Variants in KIZ observed in about 807,000 individuals in gnomAD.
The protein encoded by KIZ is kizuna centrosomal protein, also known as centrosomal protein kizuna.
Under a neutral mutation model 79.6 loss-of-function variants are expected in KIZ, and 68 were observed. That is an observed-to-expected ratio of 0.85 (90% CI 0.70 to 1.05). The LOEUF (loss-of-function observed/expected upper bound fraction) is 1.05, where lower values mean the gene tolerates loss of function less well. KIZ is among the 50% of genes least tolerant of loss of function. The probability of loss-of-function intolerance (pLI) is 0.00; values close to 1 mark genes in which losing one functional copy is unlikely to be tolerated. For missense variants in KIZ, 797 were observed against 800.4 expected, an observed-to-expected ratio of 1.00 and a Z score of 0.05; for synonymous variants, 280 against 281.8, an observed-to-expected ratio of 0.99 and a Z score of 0.06.
intron 4 of KIZ, chr20:21,151,203 A>G (rs945866589): frequency 8.5e-5 from 13 of 152,240 alleles, no homozygotes; most frequent in African/African-American, 3.1e-4. Flanking sequence ...CTTAATAAAT[A>G]CATCAGTCTG....
intron 3 of KIZ, among the ~76,000 whole-genome samples, chr20:21,138,327 A>G (rs1158813075): frequency 2.0e-5 from 3 of 152,080 alleles, no homozygotes; most frequent in Admixed American, 2.0e-4. Context: ...GGCATCATTT[A>G]ACTTGCACAG....
At chr20:21,218,643 TTC>T (rs1296442571) in intron 9 of KIZ, 1 of 152,238 alleles carries the variant, frequency 6.6e-6, no homozygotes, top group Non-Finnish European at 1.5e-5. Flanking sequence ...ATGGAATTCT[TTC>T]TGTTAATAGC....
intron 6 of KIZ, among the ~76,000 whole-genome samples, chr20:21,193,504 G>A (rs898115810): frequency 1.3e-5 from 2 of 151,798 alleles, no homozygotes; most frequent in East Asian, 2.0e-4. Flanking sequence ...CCCATTACTG[G>A]GTATATACCC....
chr20:21,198,981 C>T (rs1600516643), intron 6 of KIZ, among the ~76,000 whole-genome samples: 3 of 152,140 alleles, frequency 2.0e-5, no homozygotes, highest in Admixed American at 1.3e-4. Flanking sequence ...TTTAATCTCC[C>T]GTTTCTTTCT....
At chr20:21,155,968 G>A (rs915385193) in intron 4 of KIZ, among the ~76,000 whole-genome samples, 2 of 152,170 alleles carry the variant, frequency 1.3e-5, no homozygotes, top group African/African-American at 4.8e-5. Flanking sequence ...TAGGACTTTT[G>A]ATGCCAGATT....
intron 6 of KIZ, among the ~76,000 whole-genome samples, chr20:21,169,885 CTT>C (rs1319742975): frequency 1.3e-5 from 2 of 152,106 alleles, no homozygotes; most frequent in African/African-American, 4.8e-5. Flanking sequence ...TATTCCATGT[CTT>C]TTTATGGCTT....
At position 21,214,633 on chromosome 20, in the gene KIZ, T is replaced by C. The variant is rs2036213878; in HGVS notation, c.1545T>C (p.Asn515=). The C allele has an allele frequency of 6.2e-7, 1 of 1,612,830 alleles. No homozygotes were observed. Among genetic ancestry groups the C allele is most frequent in the Non-Finnish European group, 8.5e-7 (1 of 1,178,918 alleles). The change falls in exon 8 of 13, where the codon AAT becomes AAC. Residue 515 remains asparagine (N), a synonymous_variant. Transcript: ENST00000619189. ...ESSCSLPSIL[N]DNSGIKEAKP... Reference sequence around the variant, plus strand: ...CTTGCAGCTTGCCATCTATTCTGAATGACAATAGTGGAATAAAGGAAGCCA... The same window carrying C: ...CTTGCAGCTTGCCATCTATTCTGAACGACAATAGTGGAATAAAGGAAGCCA...
intron 1 of KIZ, among the ~76,000 whole-genome samples, chr20:21,127,157 A>G (rs1600332470): frequency 6.6e-6 from 1 of 152,366 alleles, no homozygotes; most frequent in Non-Finnish European, 1.5e-5. Flanking sequence ...AATTCTTGTC[A>G]GATATTTATA....
intron 6 of KIZ, chr20:21,195,547 C>A (rs1034070732): frequency 5.3e-5 from 8 of 152,262 alleles, no homozygotes; most frequent in African/African-American, 1.9e-4. Context: ...AAACATTAAG[C>A]CATGGTCCTT....
At chr20:21,135,278 C>T (rs986165942) in intron 2 of KIZ, among the ~76,000 whole-genome samples, 7 of 152,114 alleles carry the variant, frequency 4.6e-5, no homozygotes, top group Non-Finnish European at 7.4e-5. Flanking sequence ...GTACCCACTC[C>T]GGGTAGACAC....
At chr20:21,159,228 A>G (rs1243568143) in intron 4 of KIZ, among the ~76,000 whole-genome samples, 1 of 151,944 alleles carries the variant, frequency 6.6e-6, no homozygotes, top group African/African-American at 2.4e-5. Context: ...TATGTTGCCA[A>G]GGCTGGTCTC....
At chr20:21,215,181 A>T (rs1172750157) in intron 8 of KIZ, among the ~76,000 whole-genome samples, 1 of 152,242 alleles carries the variant, frequency 6.6e-6, no homozygotes, top group Non-Finnish European at 1.5e-5. Flanking sequence ...GAGCACCCAG[A>T]AACTGTGATT....
At chr20:21,191,667 C>G (rs916219299) in intron 6 of KIZ, among the ~76,000 whole-genome samples, 2 of 152,104 alleles carry the variant, frequency 1.3e-5, no homozygotes, top group African/African-American at 4.8e-5. Context: ...AATAAGGAAG[C>G]CTGTTCATTT....
intron 3 of KIZ, among the ~76,000 whole-genome samples, chr20:21,139,360 G>A (rs868839825): frequency 1.3e-5 from 2 of 151,816 alleles, no homozygotes; most frequent in African/African-American, 4.8e-5. Context: ...AATGGAGAGG[G>A]GTATTTAGAA....
chr20:21,146,861 C>T (rs2122520942), intron 4 of KIZ, among the ~76,000 whole-genome samples: 1 of 152,098 alleles, frequency 6.6e-6, no homozygotes, highest in South Asian at 2.1e-4. Context: ...TTAGAGCATT[C>T]TTTAAACTGT....
intron 4 of KIZ, among the ~76,000 whole-genome samples, chr20:21,147,588 C>T (rs1232907990): frequency 4.6e-5 from 7 of 152,140 alleles, no homozygotes; most frequent in Non-Finnish European, 8.8e-5. Flanking sequence ...ATAGTACAGT[C>T]ACTGGTTGAA....
chr20:21,234,614 T>A (rs2036941036), intron 11 of KIZ, among the ~76,000 whole-genome samples: 1 of 152,108 alleles, frequency 6.6e-6, no homozygotes. Context: ...TCACTCCTTG[T>A]GCTTTATTGC....
intron 3 of KIZ, among the ~76,000 whole-genome samples, chr20:21,143,284 T>G (rs776761941): frequency 2.6e-5 from 4 of 151,566 alleles, no homozygotes; most frequent in Admixed American, 6.6e-5. Flanking sequence ...TATTCACTTA[T>G]TCTGTAACTT....
At chr20:21,136,243 A>G (rs1454777542) in intron 2 of KIZ, 147 bp from the exon 3 acceptor site, 2 of 561,458 alleles carry the variant, frequency 3.6e-6, no homozygotes, top group Non-Finnish European at 6.3e-6. Flanking sequence ...AAAAATGTGT[A>G]TATACATTTT....
Sources: gnomAD v4.1 joint callset for allele counts (sites outside exome capture counted in the v4.1 genomes callset) on GRCh38, gnomAD v4.1.1 for gene constraint, MANE v1.5 for transcripts, NCBI Gene and HGNC (gene_info 2026-07-23, HGNC 2026-07-21) for gene names.